The following KSR2 variants were observed in gnomAD, a reference collection of about 807,000 sequenced individuals.
KSR2 encodes the protein kinase suppressor of ras 2.
KSR2 carries 25 observed loss-of-function variants against 107.8 expected under a neutral mutation model. The observed-to-expected ratio is 0.23, with a 90% CI of 0.17 to 0.32. The LOEUF (loss-of-function observed/expected upper bound fraction) is 0.32. Ranked by LOEUF, KSR2 falls within the 10% of genes least tolerant of loss-of-function variation. The pLI is 1.00. For missense variants in KSR2, 887 were observed against 1,268.9 expected (o/e 0.70, Z 4.57); for synonymous variants, 480 against 507.0 (o/e 0.95, Z 0.71).
rs1439648082 is a variant in KSR2, at chr12:117,731,338, G to GC, written c.986+29672dup. Among the ~76,000 whole-genome samples the GC allele has an allele frequency of 3.4e-4, 49 of 144,102 alleles. 1 individual carries two copies. The highest frequency in any genetic ancestry group is 6.3e-4 in the South Asian group (3 of 4,734). The allele number at this position is 144,102 out of a possible 152,430, so 94.5% of individuals were successfully genotyped here. A position where few individuals can be genotyped will look rare whatever the true frequency, so the allele number is the denominator to read the frequency against. The stretch of plus-strand genomic sequence containing the variant: ...AGCCGCCCCGTCTGAGAAGTGAGGA[G>GC]CCCCCCCGCCCAGCAGCCGCCCTGT... On this transcript the variant is annotated intron_variant, in intron 4 of 19. Transcript: ENST00000339824.
At chr12:117,702,849 T>G (rs776727864) in intron 4 of KSR2, among the ~76,000 whole-genome samples, 1 of 152,180 alleles carries the variant, frequency 6.6e-6, no homozygotes, top group Non-Finnish European at 1.5e-5. Flanking sequence ...ACTAGGATAC[T>G]TAGCTCAGAA....
intron 3 of KSR2, among the ~76,000 whole-genome samples, chr12:117,816,238 C>T (rs546653442): frequency 1.3e-5 from 2 of 152,164 alleles, no homozygotes; most frequent in Non-Finnish European, 2.9e-5. Flanking sequence ...ACTGTTGGAG[C>T]CCAACCACCA....
At chr12:117,793,056 GCA>G (rs1396065685) in intron 3 of KSR2, among the ~76,000 whole-genome samples, 1 of 135,308 alleles carries the variant, frequency 7.4e-6, no homozygotes, top group African/African-American at 2.9e-5. Context: ...ACATCAACAT[GCA>G]CACACACCAA....
intron 3 of KSR2, among the ~76,000 whole-genome samples, chr12:117,787,180 A>G (rs111488760): frequency 0.013 from 2,004 of 152,212 alleles, 53 homozygotes; most frequent in African/African-American, 0.046. Context: ...ATGTGTTTAT[A>G]TGATCATTGC....
intron 3 of KSR2, among the ~76,000 whole-genome samples, chr12:117,801,205 C>G (rs1223400721): frequency 6.6e-6 from 1 of 152,136 alleles, no homozygotes; most frequent in African/African-American, 2.4e-5. Flanking sequence ...CAACCTCCAC[C>G]TCCTGGATTC....
At chr12:117,543,848 G>A (rs1325474222) in intron 9 of KSR2, among the ~76,000 whole-genome samples, 2 of 152,132 alleles carry the variant, frequency 1.3e-5, no homozygotes, top group Non-Finnish European at 2.9e-5. Flanking sequence ...ATCCTTCTTT[G>A]CCTCTTCCTA....
intron 1 of KSR2, among the ~76,000 whole-genome samples, chr12:117,962,959 C>A (rs150491259): frequency 2.0e-5 from 3 of 147,990 alleles, no homozygotes; most frequent in African/African-American, 7.5e-5. Context: ...CTGAGGTGGG[C>A]GGATCACTGG....
rs548411519 is a variant in KSR2 at position 117,608,452 on chromosome 12, C to T, written c.1172-26093G>A. Among the ~76,000 whole-genome samples, 25 of 152,250 alleles carry T rather than the reference C, an allele frequency of 1.6e-4. No individual in the cohort carries two copies. The South Asian group carries it at 5.2e-3, about 32-fold the overall frequency. ...TTTTTAAAACAAGGAGATATCAGCT[C>T]AGAGAATAAAGAAACTTGCTCCAGA... On this transcript the variant is annotated intron_variant, in intron 5 of 19. Transcript: ENST00000339824.
intron 12 of KSR2, 136 bp downstream of exon 12, chr12:117,530,805 C>T: frequency 2.8e-6 from 2 of 716,592 alleles, no homozygotes; most frequent in Non-Finnish European, 4.8e-6. Context: ...TCTCTCTGAC[C>T]CCCTTGTACA....
intron 4 of KSR2, among the ~76,000 whole-genome samples, chr12:117,734,447 G>A (rs1482201464): frequency 6.6e-6 from 1 of 152,130 alleles, no homozygotes; most frequent in Non-Finnish European, 1.5e-5. Context: ...ATGCAAGGGA[G>A]AAGAGATGAA....
chr12:117,627,113 C>T (rs1213153749), intron 5 of KSR2, among the ~76,000 whole-genome samples: 1 of 151,770 alleles, frequency 6.6e-6, no homozygotes, highest in African/African-American at 2.4e-5. Flanking sequence ...TGATATGGGT[C>T]TCCTGAATAC....
intron 10 of KSR2, among the ~76,000 whole-genome samples, chr12:117,535,604 TTG>T (rs5801239): frequency 0.081 from 11,441 of 142,086 alleles, 483 homozygotes; most frequent in South Asian, 0.15. Context: ...TTTCCTGGAG[TTG>T]TGTGTGTGTG....
intron 1 of KSR2, among the ~76,000 whole-genome samples, chr12:117,955,016 C>CA (rs377637674): frequency 0.017 from 2,045 of 122,340 alleles, 27 homozygotes; most frequent in Middle Eastern, 0.1. Flanking sequence ...GACCCTGTCT[C>CA]AAAAAAAAAA....
chr12:117,670,609 C>T (rs1383834003), intron 4 of KSR2, among the ~76,000 whole-genome samples: 1 of 152,148 alleles, frequency 6.6e-6, no homozygotes, highest in Non-Finnish European at 1.5e-5. Context: ...GAACTGAGCC[C>T]TAAATCTTCA....
intron 5 of KSR2, among the ~76,000 whole-genome samples, chr12:117,637,675 G>GTTTTTTTTTT (rs56169273): frequency 0.025 from 2,266 of 91,892 alleles, 374 homozygotes; most frequent in East Asian, 0.079. Context: ...TCAGTTTTGG[G>GTTTTTTTTTT]TTTTTTTTTT....
chr12:117,638,936 C>G (rs989178911), intron 5 of KSR2, among the ~76,000 whole-genome samples: 14 of 146,586 alleles, frequency 9.6e-5, no homozygotes, highest in African/African-American at 3.3e-4. Context: ...CCCCAAAACT[C>G]CATGACCAAC....
intron 1 of KSR2, among the ~76,000 whole-genome samples, chr12:117,927,107 C>T (rs1027817528): frequency 2.6e-5 from 4 of 152,054 alleles, no homozygotes; most frequent in African/African-American, 7.2e-5. Context: ...CACGGTGGCT[C>T]TTGCCTGTAA....
intron 18 of KSR2, among the ~76,000 whole-genome samples, chr12:117,470,561 G>A (rs917234125): frequency 1.6e-4 from 24 of 152,124 alleles, no homozygotes; most frequent in African/African-American, 5.6e-4. Context: ...GGGATAAAAG[G>A]GAATCCTGGG....
intron 4 of KSR2, among the ~76,000 whole-genome samples, chr12:117,692,567 A>T (rs1246045114): frequency 2.1e-5 from 3 of 142,910 alleles, no homozygotes; most frequent in Non-Finnish European, 4.6e-5. Context: ...TATATATATG[A>T]GTTGAAAATA....
Sources: gnomAD v4.1 joint callset for allele counts (sites outside exome capture counted in the v4.1 genomes callset) on GRCh38, gnomAD v4.1.1 for gene constraint, MANE v1.5 for transcripts, NCBI Gene and HGNC (gene_info 2026-07-23, HGNC 2026-07-21) for gene names.